DUS2: variants seen among roughly 807,000 people sequenced by gnomAD.
DUS2 encodes tRNA-dihydrouridine(20) synthase [NAD(P)+]-like.
In DUS2, 52 loss-of-function variants were observed where a neutral mutation model predicts 71.3. That is an observed-to-expected ratio of 0.73 (90% CI 0.58 to 0.92). The LOEUF (loss-of-function observed/expected upper bound fraction) is 0.92, where lower values mean the gene tolerates loss of function less well. Ranked by LOEUF, DUS2 falls within the 40% of genes least tolerant of loss-of-function variation. DUS2 has a pLI of 0.00. For synonymous variants in DUS2, 204 were observed against 227.8 expected (o/e 0.90, Z 0.94); for missense variants, 558 against 622.6 (o/e 0.90, Z 1.10).
intron 2 of DUS2, chr16:68,026,836 A>C (rs942185169): frequency 7.2e-6 from 1 of 138,710 alleles, no homozygotes; most frequent in Non-Finnish European, 1.5e-5. Context: ...AGATTGTGCC[A>C]TTGCATTCCA....
At chr16:68,038,186 A>G (rs1432421611) in intron 3 of DUS2, 37 bp downstream of exon 3, 1 of 1,610,350 alleles carries the variant, frequency 6.2e-7, no homozygotes, top group Admixed American at 1.7e-5. Context: ...GCTTCTCCAC[A>G]AGTACAGACT....
chr16:68,068,268 AC>A (rs1431085188), intron 10 of DUS2, among the ~76,000 whole-genome samples: 3 of 152,170 alleles, frequency 2.0e-5, no homozygotes, highest in African/African-American at 4.8e-5. Flanking sequence ...AGAGAAGGGA[AC>A]CCAGAACTCC....
rs184313787 is a variant in DUS2 at position 68,039,457 on chromosome 16, C to T, written c.126+1308C>T. Among the ~76,000 whole-genome samples the T allele has an allele frequency of 1.1e-3, 166 of 151,924 alleles. 1 individual carries two copies. The highest frequency in any genetic ancestry group is 4.0e-3 in the African/African-American group (165 of 41,438). ...TCCTTGAGACAGAGTCTCGCTCTGT[C>T]GCCCAGGCTGGAGTGCAGTGGCGCG... On this transcript the variant is annotated intron_variant, in intron 3 of 16. Coordinates refer to ENST00000565263, the MANE Select transcript of DUS2 (RefSeq NM_017803.5).
At chr16:68,065,486 C>T (rs996938641) in intron 8 of DUS2, among the ~76,000 whole-genome samples, 2 of 151,290 alleles carry the variant, frequency 1.3e-5, no homozygotes, top group Admixed American at 6.6e-5. Flanking sequence ...CTCAGGAGTT[C>T]GAGACCAGCC....
Position 68,075,398 on chromosome 16 carries a change from G to A in DUS2, c.976G>A (p.Glu326Lys), listed in dbSNP as rs773058902. 4.3e-6 allele frequency: 7 copies of A among 1,613,542 alleles called. No individual in the cohort carries two copies. The highest frequency in any genetic ancestry group is 5.1e-6 in the Non-Finnish European group (6 of 1,179,724). Residue 326 changes from glutamate to lysine, a missense_variant, in exon 14 of 17, where the codon GAG becomes AAG. Coordinates refer to ENST00000565263, the MANE Select transcript of DUS2 (RefSeq NM_017803.5). ...LGAFYEETTQ[E>K]LDAQQARLSA... is the part of the protein sequence containing the mutation. Reference sequence around the variant, plus strand: ...TGCCTTCTATGAGGAGACCACACAGGAGCTGGATGCCCAGCAGGCCAGGCT... The same window carrying A: ...TGCCTTCTATGAGGAGACCACACAGAAGCTGGATGCCCAGCAGGCCAGGCT...
At chr16:68,057,854 TG>T (rs2033883039) in intron 7 of DUS2, among the ~76,000 whole-genome samples, 2 of 133,576 alleles carry the variant, frequency 1.5e-5, no homozygotes, top group South Asian at 4.7e-4. Context: ...CACTGCAGCC[TG>T]GGTGACAAGA....
intron 10 of DUS2, among the ~76,000 whole-genome samples, chr16:68,066,905 C>T (rs1278529992): frequency 6.6e-6 from 1 of 152,060 alleles, no homozygotes; most frequent in Non-Finnish European, 1.5e-5. Flanking sequence ...GGAGAAACAC[C>T]TCTACTATCA....
intron 3 of DUS2, among the ~76,000 whole-genome samples, chr16:68,048,986 G>T (rs955011418): frequency 6.6e-6 from 1 of 152,086 alleles, no homozygotes; most frequent in Non-Finnish European, 1.5e-5. Context: ...TGGGGACCTC[G>T]CCCTTTTCAT....
chr16:68,049,385 GGTTT>G (rs2151418481), intron 3 of DUS2, 116 bp from the exon 4 acceptor site: 1 of 968,910 alleles, frequency 1.0e-6, no homozygotes, highest in South Asian at 1.4e-5. Context: ...CAAAAGCCGT[GGTTT>G]GTTCTTGGTA....
chr16:68,054,267 T>C (rs925190312), intron 5 of DUS2, among the ~76,000 whole-genome samples: 1 of 152,286 alleles, frequency 6.6e-6, no homozygotes, highest in South Asian at 2.1e-4. Flanking sequence ...ATAAAGCAAA[T>C]CTAGCAAAAT....
At chr16:68,064,979 G>A (rs112490395) in intron 8 of DUS2, among the ~76,000 whole-genome samples, 6 of 152,324 alleles carry the variant, frequency 3.9e-5, no homozygotes, top group African/African-American at 1.4e-4. Context: ...TCTTGGAAGA[G>A]GGTTCTTGGG....
chr16:68,036,057 C>T (rs933925220), intron 2 of DUS2, among the ~76,000 whole-genome samples: 1 of 150,538 alleles, frequency 6.6e-6, no homozygotes, highest in African/African-American at 2.5e-5. Flanking sequence ...AGTGCAATGG[C>T]GCGATCTTGG....
intron 7 of DUS2, among the ~76,000 whole-genome samples, chr16:68,058,019 T>C (rs2033886022): frequency 6.6e-6 from 1 of 152,040 alleles, no homozygotes; most frequent in Non-Finnish European, 1.5e-5. Flanking sequence ...AATATTGTCC[T>C]TGGGCTGAGA....
Position 68,030,454 on chromosome 16 carries a change from C to T in DUS2, c.-19+4960C>T, listed in dbSNP as rs149158621. Among the ~76,000 whole-genome samples the T allele has an allele frequency of 2.6e-5, 4 of 152,096 alleles. No homozygotes were observed. The East Asian group carries it at 7.8e-4, about 30-fold the overall frequency. ...ACTGAAAACACAAAAATTGGCCGGG[C>T]ATGGTGGTTAATTTTTGTCCCAGCT... is the stretch of plus-strand genomic sequence containing the variant. On this transcript the variant is annotated intron_variant, in intron 2 of 16. Coordinates refer to ENST00000565263, the MANE Select transcript of DUS2 (RefSeq NM_017803.5).
intron 12 of DUS2, 46 bp downstream of exon 12, chr16:68,071,154 C>T: frequency 6.2e-7 from 1 of 1,602,614 alleles, no homozygotes; most frequent in South Asian, 1.1e-5. Flanking sequence ...CACTGTCTAC[C>T]ACACTCCTGC....
At chr16:68,078,594 G>C (rs1477787321) in intron 16 of DUS2, 76 bp downstream of exon 16, 1 of 1,549,380 alleles carries the variant, frequency 6.5e-7, no homozygotes, top group Non-Finnish European at 8.9e-7. Context: ...ATCCAGCATT[G>C]TCCTAGGAGG....
chr16:68,033,404 AT>A (rs2033469779), intron 2 of DUS2, among the ~76,000 whole-genome samples: 1 of 152,114 alleles, frequency 6.6e-6, no homozygotes, highest in African/African-American at 2.4e-5. Context: ...CTTTCTACAT[AT>A]TGGACTGGTT....
At chr16:68,050,233 G>T (rs1056200992) in intron 4 of DUS2, among the ~76,000 whole-genome samples, 2 of 152,062 alleles carry the variant, frequency 1.3e-5, no homozygotes, top group African/African-American at 2.4e-5. Context: ...TGCCTCCCAG[G>T]TTCAAGCAGT....
intron 3 of DUS2, among the ~76,000 whole-genome samples, chr16:68,047,049 C>CTTTTT (rs1305624703): frequency 2.9e-4 from 21 of 72,198 alleles, no homozygotes; most frequent in Non-Finnish European, 4.0e-4. Context: ...CATGCCCGGC[C>CTTTTT]TTTTTTTTTT....
Sources: allele counts gnomAD v4.1 joint callset (sites outside exome capture counted in the v4.1 genomes callset), GRCh38; gene constraint gnomAD v4.1.1; transcripts MANE v1.5; gene names NCBI Gene and HGNC (gene_info 2026-07-23, HGNC 2026-07-21).